RAB26: variants seen among roughly 807,000 people sequenced by gnomAD.
The protein encoded by RAB26 is ras-related protein Rab-26.
RAB26 carries 39 observed loss-of-function variants against 33.1 expected under a neutral mutation model. The ratio of observed to expected loss-of-function variants is 1.18; its 90% CI spans 0.91 to 1.54. The LOEUF is 1.54. Ranked by LOEUF, RAB26 falls within the 40% of genes most tolerant of loss-of-function variation. RAB26 has a pLI of 0.00. For missense variants in RAB26, 468 were observed against 362.9 expected (o/e 1.29, Z -2.35); for synonymous variants, 192 against 151.9 (o/e 1.26, Z -1.94).
Position 2,153,544 on chromosome 16 carries a change from C to G in RAB26, c.*123C>G, listed in dbSNP as rs1420509827. ...ACGCCCGAGTGTCTGTTTTCAGGAG[C>G]CCCAGGTCAAGCCTTGTCCCTTCCT... On this transcript the variant is annotated 3_prime_UTR_variant, in exon 9 of 9. Transcript: ENST00000210187. 2 of 885,790 alleles carry G rather than the reference C, an allele frequency of 2.3e-6. No individual in the cohort carries two copies. Among genetic ancestry groups the G allele is most frequent in the Non-Finnish European group, 3.5e-6 (2 of 571,014 alleles). 54.9% of individuals were successfully genotyped at this position (885,790 alleles called of 1,614,324 possible).
rs1610902 is a variant in RAB26 at position 2,150,621 on chromosome 16, A to AGTCTGGGGAGCTGCTCTCTACCCC, written c.306+578_306+579insAGCTGCTCTCTACCCCGTCTGGGG. Among the ~76,000 whole-genome samples, 31 of 151,874 alleles carry AGTCTGGGGAGCTGCTCTCTACCCC rather than the reference A, an allele frequency of 2.0e-4. 1 individual carries two copies. The East Asian group carries it at 5.7e-3, about 28-fold the overall frequency. Reference sequence around the variant, plus strand: ...AGGGACAGGAAAAGGGGCTCCCTCCAGTCTGGGGGTTCCAAGTCCCCTCAA... The same window carrying AGTCTGGGGAGCTGCTCTCTACCCC: ...AGGGACAGGAAAAGGGGCTCCCTCCAGTCTGGGGAGCTGCTCTCTACCCCGTCTGGGGGTTCCAAGTCCCCTCAA... On this transcript the variant is annotated intron_variant, in intron 2 of 8. Transcript: ENST00000210187.
chr16:2,153,115 C>T (rs2093011677), intron 7 of RAB26, 31 bp from the exon 8 acceptor site: 6 of 1,613,326 alleles, frequency 3.7e-6, no homozygotes, highest in Non-Finnish European at 5.1e-6. Flanking sequence ...CCCCGCCAGG[C>T]CACCACCTGG....
chr16:2,149,846 G>A (rs948798986), intron 1 of RAB26, 95 bp from the exon 2 acceptor site: 3 of 949,750 alleles, frequency 3.2e-6, no homozygotes, highest in African/African-American at 3.5e-5. Flanking sequence ...GGCCTGGGCT[G>A]CCTCCCTCCA....
rs1382680764 is a variant in RAB26 at position 2,148,946 on chromosome 16, G to A, written c.163G>A (p.Gly55Ser). ...GCAGCCCGGCCGGCCCTCGCTTGGC[G>A]GCGGTGTCGACTTCTACGACGTCGC... is the stretch of plus-strand genomic sequence containing the variant. ...PLQPGRPSLG[G>S]GVDFYDVAFK... is the part of the protein sequence containing the mutation. The change falls in exon 1 of 9, where the codon GGC becomes AGC. Residue 55 changes from glycine (G) to serine (S), a missense_variant. By Grantham distance (56) the Gly-to-Ser change is moderately conservative (BLOSUM62 0). Transcript: ENST00000210187. The A allele has an allele frequency of 2.3e-6, 3 of 1,289,672 alleles. No individual in the cohort carries two copies. The highest frequency in any genetic ancestry group is 3.8e-5 in the Admixed American group (1 of 26,504). The allele number at this position is 1,289,672 out of a possible 1,614,324, so 79.9% of individuals were successfully genotyped here.
At chr16:2,150,230 G>A (rs1229922400) in intron 2 of RAB26, among the ~76,000 whole-genome samples, 179 bp downstream of exon 2, 1 of 152,230 alleles carries the variant, frequency 6.6e-6, no homozygotes, top group Non-Finnish European at 1.5e-5. Context: ...GTTGCCCTAT[G>A]CCAGGGGCTG....
intron 5 of RAB26, among the ~76,000 whole-genome samples, chr16:2,152,447 G>A (rs182943833): frequency 5.5e-4 from 84 of 151,986 alleles, no homozygotes; most frequent in East Asian, 1.6e-3. Context: ...TGAGGTGGGC[G>A]GATCACGAGG....
chr16:2,151,542 A>G lies in RAB26; in HGVS notation c.307-27A>G, dbSNP rs201607182. 114 of 1,613,102 alleles carry G rather than the reference A, an allele frequency of 7.1e-5. 1 individual carries two copies. In the East Asian group the frequency reaches 2.4e-3, roughly 34 times the overall value. On this transcript the variant is annotated intron_variant, in intron 2 of 8. Transcript: ENST00000210187. ...CCAGAGGCTGGGCTGGGCCCATGCCAGAGCTGCCTGGTTCTGTCTGTTTCA... is the reference window on the plus strand; with the variant it reads ...CCAGAGGCTGGGCTGGGCCCATGCCGGAGCTGCCTGGTTCTGTCTGTTTCA...
intron 2 of RAB26, among the ~76,000 whole-genome samples, 172 bp downstream of exon 2, chr16:2,150,223 G>C (rs1315788358): frequency 6.6e-6 from 1 of 152,226 alleles, no homozygotes; most frequent in Non-Finnish European, 1.5e-5. Context: ...ATAGTTAGTT[G>C]CCCTATGCCA....
rs1442165831 is a variant in RAB26, at chr16:2,151,739, T to C, written c.393T>C (p.His131=). 3.1e-6 allele frequency: 5 copies of C among 1,613,960 alleles called. No individual in the cohort carries two copies. The South Asian group carries it at 5.5e-5, about 18-fold the overall frequency. The change falls in exon 4 of 9, where the codon CAT becomes CAC. Residue 131 remains histidine (H), a synonymous_variant. Transcript: ENST00000210187. ...AGGAGCGGTTCCGCAGTGTTACCCA[T>C]GCCTACTACCGGGATGCTCATGGTG... The part of the protein sequence containing the change: ...AGQERFRSVT[H]AYYRDAHALL...
intron 1 of RAB26, among the ~76,000 whole-genome samples, chr16:2,149,246 GC>G (rs1209530144): frequency 6.6e-6 from 1 of 151,286 alleles, no homozygotes; most frequent in Admixed American, 6.6e-5. Context: ...CCTGGCCCCC[GC>G]CCGGGGTCTC....
rs780826890 is a variant in RAB26, at chr16:2,151,660, G to T, written c.349-35G>T. The T allele has an allele frequency of 3.1e-6, 5 of 1,614,086 alleles. No individual in the cohort carries two copies. In the Admixed American group the frequency reaches 6.7e-5, roughly 22 times the overall value. The stretch of plus-strand genomic sequence containing the variant: ...TTGGGGGACAGGGGACACCAGGGAA[G>T]GGCTGGACAGCCTGACCAGTGCCTG... On this transcript the variant is annotated intron_variant, in intron 3 of 8. Coordinates refer to ENST00000210187, the MANE Select transcript of RAB26 (RefSeq NM_014353.5).
Position 2,151,630 on chromosome 16 carries a change from A to G in RAB26, c.348+20A>G. The G allele has an allele frequency of 2.5e-6, 4 of 1,614,044 alleles. No homozygotes were observed. Among genetic ancestry groups the G allele is most frequent in the Non-Finnish European group, 3.4e-6 (4 of 1,180,024 alleles). On this transcript the variant is annotated intron_variant, in intron 3 of 8. Transcript: ENST00000210187. ...CTGCAGGTAAGGTGACTGGCAGAGG[A>G]CAAGTTGGGGGACAGGGGACACCAG... is the stretch of plus-strand genomic sequence containing the variant.
At chr16:2,152,025 A>G (rs879167674) in intron 5 of RAB26, 117 bp downstream of exon 5, 1 of 1,392,504 alleles carries the variant, frequency 7.2e-7, no homozygotes, top group South Asian at 1.2e-5. Context: ...GGGAGGGGGA[A>G]ATGACAGCCT....
chr16:2,154,100 C>CT lies in RAB26; in HGVS notation c.*682dup. ...AACTTGGCCTTTTGATTGCACAAGC[C>CT]TTTGTTTTCAGTCCTAGTGAATAAA... On this transcript the variant is annotated 3_prime_UTR_variant, in exon 9 of 9. Transcript: ENST00000210187. 3.1e-6 allele frequency: 1 copy of CT among 321,530 alleles called. No homozygotes were observed. 19.9% of individuals were successfully genotyped at this position (321,530 alleles called of 1,614,324 possible).
rs1185429166 is a variant in RAB26, at chr16:2,148,686, G to C, written c.-98G>C. The C allele has an allele frequency of 3.0e-6, 3 of 1,013,504 alleles. No homozygotes were observed. The African/African-American group carries it at 5.1e-5, about 17-fold the overall frequency. 62.8% of individuals were successfully genotyped at this position (1,013,504 alleles called of 1,614,324 possible). On this transcript the variant is annotated 5_prime_UTR_variant, in exon 1 of 9. Transcript: ENST00000210187. ...CGCCGCCGCCGCCGCCGCCGCCAGG[G>C]GAAGGGTTCGGGTCCGGGTCGGGCT... is the stretch of plus-strand genomic sequence containing the variant.
rs1435604961 is a variant in RAB26, at chr16:2,151,581, G to A, written c.319G>A (p.Asp107Asn). 2.5e-6 allele frequency: 4 copies of A among 1,613,866 alleles called. No homozygotes were observed. In the South Asian group the frequency reaches 3.3e-5, roughly 13 times the overall value. ...VGIDFRNKVL[D>N]VDGVKVKLQM... ...CTGTCTGTTTCAGAACAAAGTTCTGGACGTGGATGGTGTGAAGGTGAAGCT... is the reference window on the plus strand; with the variant it reads ...CTGTCTGTTTCAGAACAAAGTTCTGAACGTGGATGGTGTGAAGGTGAAGCT... The change falls in exon 3 of 9, where the codon GAC becomes AAC. Residue 107 changes from aspartate (D) to asparagine (N), a missense_variant. Physicochemically the swap from Asp to Asn is conservative, Grantham distance 23 (BLOSUM62 1). Coordinates refer to ENST00000210187, the MANE Select transcript of RAB26 (RefSeq NM_014353.5).
At chr16:2,150,667 G>A (rs1002153351) in intron 2 of RAB26, among the ~76,000 whole-genome samples, 3 of 97,760 alleles carry the variant, frequency 3.1e-5, no homozygotes, top group Non-Finnish European at 5.0e-5. Flanking sequence ...ATGGAGTGAC[G>A]ACTGAAGTGC....
chr16:2,149,857 C>G lies in RAB26; in HGVS notation c.196-84C>G, dbSNP rs758176. 2.7e-6 allele frequency: 3 copies of G among 1,108,978 alleles called. No homozygotes were observed. In the East Asian group the frequency reaches 9.1e-5, roughly 34 times the overall value. The allele number at this position is 1,108,978 out of a possible 1,614,324, so 68.7% of individuals were successfully genotyped here. ...TGCAGGCCTGGGCTGCCTCCCTCCA[C>G]TCCTGCTCCTCACCTGCAGCCCCCT... On this transcript the variant is annotated intron_variant, in intron 1 of 8. Coordinates refer to ENST00000210187, the MANE Select transcript of RAB26 (RefSeq NM_014353.5).
Position 2,153,232 on chromosome 16 carries a change from G to C in RAB26, c.668+10G>C. On this transcript the variant is annotated intron_variant, in intron 8 of 8. Coordinates refer to ENST00000210187, the MANE Select transcript of RAB26 (RefSeq NM_014353.5). ...TCACAGCCATAGCAAAGTAAGTCCT[G>C]CCAGTCACCAGGACTCCCCCAGCCC... 1 of 1,613,752 alleles carries C rather than the reference G, an allele frequency of 6.2e-7. No individual in the cohort carries two copies. Among genetic ancestry groups the C allele is most frequent in the Non-Finnish European group, 8.5e-7 (1 of 1,179,992 alleles).
Sources: allele counts gnomAD v4.1 joint callset (sites outside exome capture counted in the v4.1 genomes callset), GRCh38; gene constraint gnomAD v4.1.1; transcripts MANE v1.5; gene names NCBI Gene and HGNC (gene_info 2026-07-23, HGNC 2026-07-21).